Variants in NAA16 observed in about 807,000 individuals in gnomAD.
The protein encoded by NAA16 is NARG1-like protein.
In NAA16, 97 loss-of-function variants were observed where a neutral mutation model predicts 110.3. The observed-to-expected ratio is 0.88, with a 90% confidence interval of 0.75 to 1.04. The LOEUF (loss-of-function observed/expected upper bound fraction) is 1.04, where lower values mean the gene tolerates loss of function less well. Ranked by LOEUF, NAA16 falls within the 50% of genes least tolerant of loss-of-function variation. NAA16 has a pLI of 0.00. For synonymous variants in NAA16, 372 were observed against 330.6 expected, an observed-to-expected ratio of 1.13 and a Z score of -1.36; for missense variants, 1,017 against 1,005.1, an observed-to-expected ratio of 1.01 and a Z score of -0.16.
At chr13:41,314,481 G>GCAGAATCACCTAGTTCCCTTCCC (rs535438197) in intron 1 of NAA16, among the ~76,000 whole-genome samples, 7,977 of 151,972 alleles carry the variant, frequency 0.052, 278 homozygotes, top group Non-Finnish European at 0.074. Flanking sequence ...TATCCTTATC[G>GCAGAATCACCTAGTTCCCTTCCC]CAGAATCACC....
In NAA16 at chr13:41,318,951, G is replaced by T. The variant is rs571989071; in HGVS notation, c.244+41G>T. The T allele has an allele frequency of 8.5e-6, 11 of 1,296,114 alleles. No individual in the cohort carries two copies. The Admixed American group carries it at 2.7e-4, about 32-fold the overall frequency. 80.3% of individuals were successfully genotyped at this position (1,296,114 alleles called of 1,614,324 possible). On this transcript the variant is annotated intron_variant, in intron 3 of 19. Transcript: ENST00000379406. ...AGTTAAATAGTTTATGTTTTAGCTA[G>T]TTTTTTCCTAATTCAAATTAAATTT...
chr13:41,336,447 G>A (rs1378215014), intron 8 of NAA16, among the ~76,000 whole-genome samples: 1 of 152,218 alleles, frequency 6.6e-6, no homozygotes, highest in Non-Finnish European at 1.5e-5. Flanking sequence ...GTGCTAGTCA[G>A]TGAGAGATTA....
intron 13 of NAA16, among the ~76,000 whole-genome samples, chr13:41,365,995 T>G (rs1462638047): frequency 6.6e-6 from 1 of 152,336 alleles, no homozygotes. Flanking sequence ...CTGTATTGAA[T>G]TTTTAAAATA....
chr13:41,337,411 TG>T lies in NAA16; in HGVS notation c.1014+658del, dbSNP rs1409433136. On this transcript the variant is annotated intron_variant, in intron 9 of 19. Coordinates refer to ENST00000379406, the MANE Select transcript of NAA16 (RefSeq NM_024561.5). ...ACAAAAAATTAGCCGGGCGTGGTGG[TG>T]GGCGCCTGTAGTCCCAGCTACCCGG... 7.2e-5 allele frequency among the ~76,000 whole-genome samples: 11 copies of T among 151,864 alleles called. No individual in the cohort carries two copies. In the South Asian group the frequency reaches 1.5e-3, roughly 20 times the overall value.
chr13:41,340,650 T>G (rs1389149961), intron 9 of NAA16, among the ~76,000 whole-genome samples: 78 of 1,174 alleles, frequency 0.066, no homozygotes, highest in African/African-American at 0.22. Context: ...TGAGTGAGTT[T>G]TTTTTTTTTT....
chr13:41,375,754 A>T lies in NAA16; in HGVS notation c.*152A>T. 3.6e-6 allele frequency: 2 copies of T among 560,546 alleles called. No individual in the cohort carries two copies. The highest frequency in any genetic ancestry group is 6.4e-5 in the South Asian group (2 of 31,344). 34.7% of individuals were successfully genotyped at this position (560,546 alleles called of 1,614,324 possible). A position where few individuals can be genotyped will look rare whatever the true frequency, so the allele number is the denominator to read the frequency against. ...GTAAGCTTATTTTGTTCTTTACCCG[A>T]CCTGCCAATTTACATAACCATCTGT... is the stretch of plus-strand genomic sequence containing the variant. On this transcript the variant is annotated 3_prime_UTR_variant, in exon 20 of 20. Coordinates refer to ENST00000379406, the MANE Select transcript of NAA16 (RefSeq NM_024561.5).
intron 8 of NAA16, among the ~76,000 whole-genome samples, chr13:41,334,003 T>G (rs1377972868): frequency 6.6e-6 from 1 of 152,066 alleles, no homozygotes; most frequent in African/African-American, 2.4e-5. Flanking sequence ...CGCTTTGAGG[T>G]TCTGACAAAT....
chr13:41,331,069 C>G (rs963824799), intron 7 of NAA16, among the ~76,000 whole-genome samples: 1 of 151,988 alleles, frequency 6.6e-6, no homozygotes, highest in African/African-American at 2.4e-5. Context: ...TTGGATTTTT[C>G]TGGAGATGAG....
chr13:41,317,034 CTA>C (rs1593405031), intron 2 of NAA16, 104 bp downstream of exon 2: 3 of 761,804 alleles, frequency 3.9e-6, no homozygotes, highest in East Asian at 5.2e-5. Flanking sequence ...TTGCAGTTCT[CTA>C]TTAGAGTGCA....
chr13:41,324,363 C>CTTTTTT (rs71086562), intron 5 of NAA16, among the ~76,000 whole-genome samples: 25 of 66,062 alleles, frequency 3.8e-4, no homozygotes, highest in Admixed American at 4.2e-4. Flanking sequence ...TTCTTTCTTT[C>CTTTTTT]TTTTTTTTTT....
In NAA16 at chr13:41,318,878, A is replaced by G; in HGVS notation, c.212A>G (p.Lys71Arg). The change falls in exon 3 of 20, where the codon AAA becomes AGA. Residue 71 changes from lysine to arginine, a missense_variant. By Grantham distance (26) the Lys-to-Arg change is conservative. Transcript: ENST00000379406. ...KKEEAYEFVR[K>R]GLRNDVKSHV... ...GAAGAAGCTTATGAGTTTGTTCGTA[A>G]AGGACTTCGTAATGATGTCAAGAGT... 6.2e-7 allele frequency: 1 copy of G among 1,603,804 alleles called. No individual in the cohort carries two copies. Among genetic ancestry groups the G allele is most frequent in the Non-Finnish European group, 8.5e-7 (1 of 1,174,834 alleles).
At chr13:41,340,670 T>G (rs1249806369) in intron 9 of NAA16, among the ~76,000 whole-genome samples, 3 of 105,018 alleles carry the variant, frequency 2.9e-5, no homozygotes, top group African/African-American at 4.5e-5. Context: ...TTTTTTTTTT[T>G]TTTTTTTTTT....
intron 8 of NAA16, among the ~76,000 whole-genome samples, chr13:41,332,170 G>A (rs1226918882): frequency 3.3e-5 from 5 of 151,248 alleles, no homozygotes; most frequent in Non-Finnish European, 7.4e-5. Flanking sequence ...CTATAGTTTT[G>A]AAGTTTTTGT....
intron 9 of NAA16, among the ~76,000 whole-genome samples, chr13:41,346,787 A>G (rs1234504769): frequency 1.3e-5 from 2 of 152,038 alleles, no homozygotes; most frequent in African/African-American, 4.8e-5. Context: ...AATTGGCTAG[A>G]CCTTGGAGGG....
chr13:41,347,237 AAAC>A lies in NAA16; in HGVS notation c.1015-7904_1015-7902del, dbSNP rs1427609999. Among the ~76,000 whole-genome samples the A allele has an allele frequency of 3.1e-4, 46 of 149,588 alleles. 2 individuals carry two copies. The highest frequency in any genetic ancestry group is 5.4e-4 in the Admixed American group (8 of 14,896). ...CTCAAAAAAAAAAAAACAAAAACAA[AAAC>A]AAAAAAAGAAATCAGGAAGTGTGAC... is the stretch of plus-strand genomic sequence containing the variant. On this transcript the variant is annotated intron_variant, in intron 9 of 19. Transcript: ENST00000379406.
intron 9 of NAA16, among the ~76,000 whole-genome samples, chr13:41,345,772 A>G (rs562273038): frequency 1.8e-4 from 28 of 152,214 alleles, no homozygotes; most frequent in Non-Finnish European, 2.9e-5. Context: ...ACAGGGTTTC[A>G]CCATTTGCCC....
At chr13:41,366,884 G>A (rs1413249126) in intron 13 of NAA16, among the ~76,000 whole-genome samples, 1 of 152,064 alleles carries the variant, frequency 6.6e-6, no homozygotes, top group African/African-American at 2.4e-5. Context: ...CTTATTCAGG[G>A]TCGCATCCCT....
chr13:41,372,886 G>A (rs2043350334), intron 17 of NAA16, 56 bp downstream of exon 17: 1 of 1,419,094 alleles, frequency 7.0e-7, no homozygotes, highest in Middle Eastern at 2.6e-4. Flanking sequence ...AGGGGAGGAG[G>A]TTGTTAAATC....
At chr13:41,368,365 A>G (rs143200306) in intron 14 of NAA16, among the ~76,000 whole-genome samples, 1 of 152,300 alleles carries the variant, frequency 6.6e-6, no homozygotes, top group Non-Finnish European at 1.5e-5. Flanking sequence ...GTTTATATGT[A>G]TTATCTCACT....
Sources: gnomAD v4.1 joint callset for allele counts (sites outside exome capture counted in the v4.1 genomes callset) on GRCh38, gnomAD v4.1.1 for gene constraint, MANE v1.5 for transcripts, NCBI Gene and HGNC (gene_info 2026-07-23, HGNC 2026-07-21) for gene names.